Variants in LAD1 observed in about 807,000 individuals in gnomAD.
LAD1 encodes the protein ladinin-1.
A neutral mutation model predicts 54.2 loss-of-function variants in LAD1; 53 were observed. The observed-to-expected ratio is 0.98, with a 90% CI of 0.78 to 1.23. The LOEUF (loss-of-function observed/expected upper bound fraction) is 1.23. Ranked by LOEUF, LAD1 falls within the 50% of genes most tolerant of loss-of-function variation. The pLI, the probability that LAD1 is intolerant of heterozygous loss-of-function variation, is 0.00. For synonymous variants in LAD1, 231 were observed against 257.7 expected (o/e 0.90, Z 0.99); for missense variants, 637 against 653.3 (o/e 0.98, Z 0.27).
chr1:201,390,609 G>A (rs1345048769), intron 1 of LAD1, among the ~76,000 whole-genome samples: 1 of 152,174 alleles, frequency 6.6e-6, no homozygotes, highest in Non-Finnish European at 1.5e-5. Flanking sequence ...CAGGGCTTTG[G>A]ATTAGACTGG....
At chr1:201,394,941 C>G (rs958508769) in intron 1 of LAD1, among the ~76,000 whole-genome samples, 6 of 152,182 alleles carry the variant, frequency 3.9e-5, no homozygotes, top group African/African-American at 1.4e-4. Context: ...GGGGAAGTGG[C>G]CTATTTGTTT....
Position 201,381,824 on chromosome 1 carries a change from AG to A in LAD1, c.*63del, listed in dbSNP as rs1661967162. ...AGGAAAGGGTGCTGCTGTGAGAGGC[AG>A]GGGCCTGGCATGAGGGAGGTCCCTT... On this transcript the variant is annotated 3_prime_UTR_variant, in exon 10 of 10. Coordinates refer to ENST00000391967, the MANE Select transcript of LAD1 (RefSeq NM_005558.4). 1.3e-6 allele frequency: 2 copies of A among 1,557,928 alleles called. No individual in the cohort carries two copies. The highest frequency in any genetic ancestry group is 1.7e-4 in the Middle Eastern group (1 of 5,966).
intron 5 of LAD1, among the ~76,000 whole-genome samples, chr1:201,384,408 C>A (rs1467961590): frequency 6.6e-6 from 1 of 152,168 alleles, no homozygotes; most frequent in Non-Finnish European, 1.5e-5. Flanking sequence ...CTTGTTAAAC[C>A]TGCAGACCCA....
chr1:201,398,845 G>C (rs1416192040), intron 1 of LAD1, among the ~76,000 whole-genome samples: 2 of 152,180 alleles, frequency 1.3e-5, no homozygotes, highest in Non-Finnish European at 2.9e-5. Flanking sequence ...CCCCTCCCAA[G>C]AGGGGCTGTG....
rs200027869 is a variant in LAD1 at position 201,386,646 on chromosome 1, A to G, written c.715T>C (p.Ser239Pro). Reference protein sequence around the residue: ...KKSVLEKTSVSEKSLAPGMAL... With the variant: ...KKSVLEKTSVPEKSLAPGMAL... ...ATCCCTGGGGCCAGCGACTTCTCAG[A>G]GACACTGGTTTTTTCTAGAACAGAC... Residue 239 changes from serine (S) to proline (P), a missense_variant, in exon 3 of 10, where the codon TCT becomes CCT. Ser to Pro is a moderately conservative substitution (Grantham distance 74). Coordinates refer to ENST00000391967, the MANE Select transcript of LAD1 (RefSeq NM_005558.4). The G allele has an allele frequency of 3.1e-6, 5 of 1,614,130 alleles. No homozygotes were observed. The highest frequency in any genetic ancestry group is 2.7e-5 in the African/African-American group (2 of 75,028).
rs917074348 is a variant in LAD1, at chr1:201,382,459, C to T, written c.1474-133G>A. On this transcript the variant is annotated intron_variant, in intron 8 of 9. Coordinates refer to ENST00000391967, the MANE Select transcript of LAD1 (RefSeq NM_005558.4). ...AGAGAAAAGGAACCCAGACCCACCC[C>T]TCCTCTCTGCCAGAGTCTGACCCAC... 8.8e-6 allele frequency: 7 copies of T among 794,450 alleles called. No homozygotes were observed. The African/African-American group carries it at 1.2e-4, about 14-fold the overall frequency. 49.2% of individuals were successfully genotyped at this position (794,450 alleles called of 1,614,324 possible). A position where few individuals can be genotyped will look rare whatever the true frequency, so the allele number is the denominator to read the frequency against.
rs1405666435 is a variant in LAD1, at chr1:201,381,477, T to C, written c.*411A>G. 8 of 284,438 alleles carry C rather than the reference T, an allele frequency of 2.8e-5. No individual in the cohort carries two copies. Among genetic ancestry groups the C allele is most frequent in the Non-Finnish European group, 2.7e-5 (4 of 148,382 alleles). 17.6% of individuals were successfully genotyped at this position (284,438 alleles called of 1,614,324 possible). Reference sequence around the variant, plus strand: ...CAGGCCTCAGAGAAGGGGGACATCATAGACAAAGAGGCACTTGCTGGGAGC... The same window carrying C: ...CAGGCCTCAGAGAAGGGGGACATCACAGACAAAGAGGCACTTGCTGGGAGC... On this transcript the variant is annotated 3_prime_UTR_variant, in exon 10 of 10. Transcript: ENST00000391967.
intron 4 of LAD1, among the ~76,000 whole-genome samples, chr1:201,385,401 G>A (rs1320388564): frequency 1.3e-5 from 2 of 152,218 alleles, no homozygotes; most frequent in Non-Finnish European, 2.9e-5. Flanking sequence ...AACTGATGAA[G>A]GCAGGTGTGG....
chr1:201,382,385 G>A, intron 8 of LAD1, 59 bp from the exon 9 acceptor site: 6 of 1,351,866 alleles, frequency 4.4e-6, no homozygotes, highest in Non-Finnish European at 5.3e-6. Context: ...AAGGGCTCGG[G>A]ATACCCCAGG....
At chr1:201,387,297 G>T in intron 2 of LAD1, 119 bp from the exon 3 acceptor site, 1 of 1,117,752 alleles carries the variant, frequency 8.9e-7, no homozygotes, top group Non-Finnish European at 1.2e-6. Flanking sequence ...GTCAGGCCCT[G>T]GCCTCCCCGG....
Position 201,381,041 on chromosome 1 carries a change from T to A in LAD1, c.*847A>T, listed in dbSNP as rs1302011497. 1 of 151,970 alleles carries A rather than the reference T, an allele frequency of 6.6e-6. No individual in the cohort carries two copies. Among genetic ancestry groups the A allele is most frequent in the Non-Finnish European group, 1.5e-5 (1 of 68,052 alleles). 9.4% of individuals were successfully genotyped at this position (151,970 alleles called of 1,614,324 possible). Reference sequence around the variant, plus strand: ...GAAGGAGGGTAGGCCTGGCCCTGTATGTGGCAGTTCCCAGTCACCAAGCTA... The same window carrying A: ...GAAGGAGGGTAGGCCTGGCCCTGTAAGTGGCAGTTCCCAGTCACCAAGCTA... On this transcript the variant is annotated 3_prime_UTR_variant, in exon 10 of 10. Coordinates refer to ENST00000391967, the MANE Select transcript of LAD1 (RefSeq NM_005558.4).
intron 5 of LAD1, among the ~76,000 whole-genome samples, chr1:201,384,263 A>G (rs569591557): frequency 6.6e-6 from 1 of 151,996 alleles, no homozygotes; most frequent in Non-Finnish European, 1.5e-5. Context: ...TTCATGGGGC[A>G]GATGAATACA....
chr1:201,382,827 C>G (rs928507698), intron 7 of LAD1, 88 bp from the exon 8 acceptor site: 1 of 1,057,058 alleles, frequency 9.5e-7, no homozygotes, highest in Non-Finnish European at 1.4e-6. Flanking sequence ...TAGGACTCTC[C>G]CTCACTCCCC....
intron 1 of LAD1, 53 bp from the exon 2 acceptor site, chr1:201,389,356 C>T (rs982116277): frequency 3.2e-5 from 50 of 1,576,656 alleles, no homozygotes; most frequent in Middle Eastern, 2.2e-4. Context: ...AGGACCCTCC[C>T]GAGGCAGGCT....
rs1662103939 is a variant in LAD1 at position 201,386,969 on chromosome 1, G to T, written c.392C>A (p.Pro131His). The T allele has an allele frequency of 1.9e-6, 3 of 1,609,844 alleles. No homozygotes were observed. Among genetic ancestry groups the T allele is most frequent in the Non-Finnish European group, 1.7e-6 (2 of 1,178,682 alleles). Reference sequence around the variant, plus strand: ...TTCCAGTTCCTTCTTGGAGACTAGGGGTTTCTGTGTGGCCTGCACAGGGCT... The same window carrying T: ...TTCCAGTTCCTTCTTGGAGACTAGGTGTTTCTGTGTGGCCTGCACAGGGCT... ...SLSPVQATQK[P>H]LVSKKELEIP... Residue 131 changes from proline to histidine, a missense_variant, in exon 3 of 10, where the codon CCC (proline) becomes CAC (histidine). Pro to His is a moderately conservative substitution (Grantham distance 77). Transcript: ENST00000391967.
intron 2 of LAD1, 92 bp from the exon 3 acceptor site, chr1:201,387,270 A>AAGG: frequency 7.4e-7 from 1 of 1,345,632 alleles, no homozygotes; most frequent in South Asian, 2.3e-5. Flanking sequence ...CAGGGCCACC[A>AAGG]AGGAGGAGGT....
chr1:201,393,702 C>T (rs558403566), intron 1 of LAD1, among the ~76,000 whole-genome samples: 4 of 148,832 alleles, frequency 2.7e-5, no homozygotes, highest in Admixed American at 1.3e-4. Flanking sequence ...GCCAAGATCA[C>T]GCCACTGCAC....
chr1:201,392,249 T>TA (rs34852843), intron 1 of LAD1, among the ~76,000 whole-genome samples: 1 of 152,208 alleles, frequency 6.6e-6, no homozygotes, highest in South Asian at 2.1e-4. Flanking sequence ...CAATATTCAC[T>TA]AAAAAATTAC....
intron 1 of LAD1, among the ~76,000 whole-genome samples, chr1:201,394,245 G>A (rs994222908): frequency 6.6e-6 from 1 of 152,196 alleles, no homozygotes; most frequent in Non-Finnish European, 1.5e-5. Context: ...CGATGCCGAG[G>A]CGCACAAAGG....
Sources: gnomAD v4.1 joint callset for allele counts (sites outside exome capture counted in the v4.1 genomes callset) on GRCh38, gnomAD v4.1.1 for gene constraint, MANE v1.5 for transcripts, NCBI Gene and HGNC (gene_info 2026-07-23, HGNC 2026-07-21) for gene names.